Variants in EPS15L1 observed in about 807,000 individuals in gnomAD.
The protein encoded by EPS15L1 is epidermal growth factor receptor pathway substrate 15 like 1.
In EPS15L1, 43 loss-of-function variants were observed where a neutral mutation model predicts 117.1. The ratio of observed to expected loss-of-function variants is 0.37; its 90% CI spans 0.29 to 0.47. The LOEUF (loss-of-function observed/expected upper bound fraction) is 0.47, where lower values mean the gene tolerates loss of function less well. Ranked by LOEUF, EPS15L1 falls within the 20% of genes least tolerant of loss-of-function variation. The pLI, the probability that EPS15L1 is intolerant of heterozygous loss-of-function variation, is 0.99. For synonymous variants in EPS15L1, 459 were observed against 470.5 expected (o/e 0.98, Z 0.32); for missense variants, 981 against 1,164.0 (o/e 0.84, Z 2.29).
chr19:16,463,377 T>C (rs2093272097), intron 1 of EPS15L1, among the ~76,000 whole-genome samples: 1 of 152,024 alleles, frequency 6.6e-6, no homozygotes, highest in Non-Finnish European at 1.5e-5. Context: ...ACCCCACATA[T>C]TCCTTTCACC....
intron 16 of EPS15L1, among the ~76,000 whole-genome samples, chr19:16,397,225 G>C (rs958814737): frequency 1.3e-5 from 2 of 152,032 alleles, no homozygotes; most frequent in Non-Finnish European, 2.9e-5. Context: ...GAGTAGCTGG[G>C]ATTACAGGCG....
At chr19:16,436,792 C>T in intron 6 of EPS15L1, 145 bp downstream of exon 6, 1 of 639,798 alleles carries the variant, frequency 1.6e-6, no homozygotes, top group Non-Finnish European at 2.7e-6. Context: ...GCCACTCACA[C>T]TGAGACAGAA....
chr19:16,468,732 G>A (rs752415427), intron 1 of EPS15L1, among the ~76,000 whole-genome samples: 1 of 152,176 alleles, frequency 6.6e-6, no homozygotes, highest in Non-Finnish European at 1.5e-5. Context: ...ATGAATCCTA[G>A]CCAGATGCAG....
At chr19:16,452,347 G>A (rs1456210254) in intron 1 of EPS15L1, among the ~76,000 whole-genome samples, 1 of 151,944 alleles carries the variant, frequency 6.6e-6, no homozygotes, top group Admixed American at 6.6e-5. Context: ...TCAGGAGGCT[G>A]CGGCAGGAGA....
chr19:16,364,620 T>C (rs775300319), intron 22 of EPS15L1, among the ~76,000 whole-genome samples: 7 of 152,174 alleles, frequency 4.6e-5, no homozygotes, highest in Non-Finnish European at 7.4e-5. Context: ...CATGAGCCAA[T>C]GGTAAGCCAA....
At chr19:16,388,630 A>G (rs1274645797) in intron 19 of EPS15L1, among the ~76,000 whole-genome samples, 1 of 152,048 alleles carries the variant, frequency 6.6e-6, no homozygotes, top group African/African-American at 2.4e-5. Context: ...GATCGAGACC[A>G]TCCTGGCTAA....
chr19:16,383,160 G>A lies in EPS15L1; in HGVS notation c.2247+1969C>T, dbSNP rs1318442168. The A allele has an allele frequency of 1.3e-5, 2 of 152,260 alleles. No individual in the cohort carries two copies. The highest frequency in any genetic ancestry group is 4.1e-4 in the South Asian group (2 of 4,826). The allele number at this position is 152,260 out of a possible 1,614,324, so 9.4% of individuals were successfully genotyped here. A position where few individuals can be genotyped will look rare whatever the true frequency, so the allele number is the denominator to read the frequency against. On this transcript the variant is annotated intron_variant, in intron 21 of 23. Coordinates refer to ENST00000455140, the MANE Select transcript of EPS15L1 (RefSeq NM_001258374.3). The surrounding 1 kb of genome is among the most constrained non-coding windows in gnomAD (Gnocchi z 5.2). ...CTGGAATCAAAACAAGATAGTATTG[G>A]AGACCCATTTTCCACAGCTCTGTCC...
At chr19:16,413,512 T>C (rs1051118857) in intron 13 of EPS15L1, 16 of 698,634 alleles carry the variant, frequency 2.3e-5, no homozygotes, top group Non-Finnish European at 3.6e-5. Flanking sequence ...ACTGACCACC[T>C]TGTCAAGACC....
At chr19:16,401,291 C>G (rs2092598952) in intron 16 of EPS15L1, 1 of 985,320 alleles carries the variant, frequency 1.0e-6, no homozygotes. Context: ...CCCATAAATC[C>G]TTGGGACTGA....
At position 16,440,782 on chromosome 19, in the gene EPS15L1, T is replaced by C. The variant is rs1339274195; in HGVS notation, c.213+80A>G. 7 of 1,241,748 alleles carry C rather than the reference T, an allele frequency of 5.6e-6. No individual in the cohort carries two copies. The East Asian group carries it at 1.2e-4, about 21-fold the overall frequency. The allele number at this position is 1,241,748 out of a possible 1,614,324, so 76.9% of individuals were successfully genotyped here. The stretch of plus-strand genomic sequence containing the variant: ...CTAGTAATACTTGACAGTGGAGGAA[T>C]GTGGAAGGAGCCGTGGAGGTCACCC... On this transcript the variant is annotated intron_variant, in intron 4 of 23. Coordinates refer to ENST00000455140, the MANE Select transcript of EPS15L1 (RefSeq NM_001258374.3).
At chr19:16,466,679 G>C (rs1294941412) in intron 1 of EPS15L1, among the ~76,000 whole-genome samples, 1 of 152,170 alleles carries the variant, frequency 6.6e-6, no homozygotes, top group Non-Finnish European at 1.5e-5. Context: ...GAGGCAGACA[G>C]ATCACTTGAG....
intron 11 of EPS15L1, 69 bp from the exon 12 acceptor site, chr19:16,417,706 G>T: frequency 7.3e-7 from 1 of 1,366,450 alleles, no homozygotes; most frequent in Non-Finnish European, 1.0e-6. Context: ...GGCACCAGCA[G>T]TTCTCGGGCC....
At position 16,442,227 on chromosome 19, in the gene EPS15L1, T is replaced by C. The variant is rs900586772; in HGVS notation, c.34-8A>G. The C allele has an allele frequency of 2.5e-6, 4 of 1,613,212 alleles. No homozygotes were observed. Among genetic ancestry groups the C allele is most frequent in the African/African-American group, 2.7e-5 (2 of 74,900 alleles). On this transcript the variant is annotated splice_polypyrimidine_tract_variant and splice_region_variant and intron_variant, in intron 1 of 23. Transcript: ENST00000455140. ...CGAATTTCCAGTGGGAATCTGTAAATGAAACCACAGATATTGGTCAAAAGT... is the reference window on the plus strand; with the variant it reads ...CGAATTTCCAGTGGGAATCTGTAAACGAAACCACAGATATTGGTCAAAAGT...
rs1207797734 is a variant in EPS15L1, at chr19:16,383,519, A to T, written c.2247+1610T>A. 1 of 152,186 alleles carries T rather than the reference A, an allele frequency of 6.6e-6. No individual in the cohort carries two copies. Among genetic ancestry groups the T allele is most frequent in the East Asian group, 1.9e-4 (1 of 5,198 alleles). 9.4% of individuals were successfully genotyped at this position (152,186 alleles called of 1,614,324 possible). ...CCAGGAGCCTGTGCACTGGGCCCTAAATCTTCTGCCAGTCCCAAACCGTGT... is the reference window on the plus strand; with the variant it reads ...CCAGGAGCCTGTGCACTGGGCCCTATATCTTCTGCCAGTCCCAAACCGTGT... On this transcript the variant is annotated intron_variant, in intron 21 of 23. Transcript: ENST00000455140. The surrounding 1 kb of genome is among the most constrained non-coding windows in gnomAD (Gnocchi z 5.2).
At chr19:16,413,368 C>T in intron 13 of EPS15L1, 2 of 691,378 alleles carry the variant, frequency 2.9e-6, no homozygotes, top group Non-Finnish European at 5.2e-6. Context: ...TGCTACACCT[C>T]AGCCAGGGGC....
chr19:16,403,668 G>A, intron 15 of EPS15L1, 65 bp downstream of exon 15: 2 of 1,443,432 alleles, frequency 1.4e-6, no homozygotes, highest in Admixed American at 1.7e-5. Flanking sequence ...TTCAGCAGTG[G>A]CAGCCTCGGC....
At chr19:16,395,568 T>A (rs2092531306) in intron 16 of EPS15L1, 101 bp from the exon 17 acceptor site, 1 of 1,226,268 alleles carries the variant, frequency 8.2e-7, no homozygotes, top group South Asian at 1.3e-5. Context: ...TTGAGTAGCA[T>A]GACCCTAAAA....
chr19:16,384,440 T>A (rs970386843), intron 21 of EPS15L1, among the ~76,000 whole-genome samples: 1 of 152,180 alleles, frequency 6.6e-6, no homozygotes, highest in African/African-American at 2.4e-5. Flanking sequence ...TCTATTGTTG[T>A]TTTTTGACTT....
In EPS15L1 at chr19:16,421,484, A is replaced by C; in HGVS notation, c.793-8T>G. On this transcript the variant is annotated splice_region_variant and splice_polypyrimidine_tract_variant and intron_variant, in intron 9 of 23. Transcript: ENST00000455140. ...CACCCAGTTCACTGTTGGCTGAAAC[A>C]GTTTTTGGCAAAACAGTTAATCTGG... is the stretch of plus-strand genomic sequence containing the variant. The C allele has an allele frequency of 6.2e-7, 1 of 1,604,952 alleles. No homozygotes were observed. The highest frequency in any genetic ancestry group is 1.3e-5 in the African/African-American group (1 of 74,922).
Sources: gnomAD v4.1 joint callset for allele counts (sites outside exome capture counted in the v4.1 genomes callset) on GRCh38, gnomAD v4.1.1 for gene constraint, Gnocchi (gnomAD v3.1) non-coding constraint, MANE v1.5 for transcripts, NCBI Gene and HGNC (gene_info 2026-07-23, HGNC 2026-07-21) for gene names.